DNM1: variants seen among roughly 807,000 people sequenced by gnomAD.
The protein encoded by DNM1 is dynamin 1.
Under a neutral mutation model 104.6 loss-of-function variants are expected in DNM1, and 29 were observed. The ratio of observed to expected loss-of-function variants is 0.28; its 90% CI spans 0.21 to 0.38. The LOEUF is 0.38. DNM1 is among the 10% of genes least tolerant of loss of function. The pLI, the probability that DNM1 is intolerant of heterozygous loss-of-function variation, is 1.00. For synonymous variants in DNM1, 445 were observed against 475.8 expected, an observed-to-expected ratio of 0.94 and a Z score of 0.84; for missense variants, 640 against 1,189.4, an observed-to-expected ratio of 0.54 and a Z score of 6.79.
Position 128,254,243 on chromosome 9 carries a change from C to G in DNM1, c.2535-411C>G. On this transcript the variant is annotated intron_variant, in intron 21 of 21. Transcript: ENST00000372923. This position sits in a 1 kb window ranked among gnomAD's most constrained non-coding sequence, Gnocchi z 6.1. ...CAAGCAGTGTTCTTTCTCTATCAGG[C>G]CTGGTGGCTGTTGCATGGGGCTCCC... The G allele has an allele frequency of 7.3e-7, 1 of 1,376,372 alleles. No homozygotes were observed. Among genetic ancestry groups the G allele is most frequent in the Non-Finnish European group, 9.3e-7 (1 of 1,074,980 alleles). 85.3% of individuals were successfully genotyped at this position (1,376,372 alleles called of 1,614,324 possible). A position where few individuals can be genotyped will look rare whatever the true frequency, so the allele number is the denominator to read the frequency against.
At chr9:128,217,141 G>T (rs997162736) in intron 1 of DNM1, among the ~76,000 whole-genome samples, 1 of 152,216 alleles carries the variant, frequency 6.6e-6, no homozygotes, top group Non-Finnish European at 1.5e-5. Flanking sequence ...GTCTGGGGAC[G>T]GGGGATGACT....
rs1338128188 is a variant in DNM1 at position 128,220,458 on chromosome 9, T to C, written c.849+117T>C. The C allele has an allele frequency of 9.7e-6, 13 of 1,343,928 alleles. No homozygotes were observed. The highest frequency in any genetic ancestry group is 1.3e-5 in the Non-Finnish European group (13 of 990,576). 83.3% of individuals were successfully genotyped at this position (1,343,928 alleles called of 1,614,324 possible). ...CTCTCCGTAGTGCAGATAGACAAAC[T>C]GAGCCTCAGAAAAGCAAAGCAACTT... On this transcript the variant is annotated intron_variant, in intron 6 of 21. Coordinates refer to ENST00000372923, the MANE Select transcript of DNM1 (RefSeq NM_004408.4). The surrounding 1 kb of genome is among the most constrained non-coding windows in gnomAD (Gnocchi z 5.2).
At chr9:128,208,380 A>G (rs1035820672) in intron 1 of DNM1, among the ~76,000 whole-genome samples, 1 of 152,108 alleles carries the variant, frequency 6.6e-6, no homozygotes, top group East Asian at 1.9e-4. Flanking sequence ...ATTCTATCCC[A>G]GCATGGACGT....
At chr9:128,239,575 T>TAC in intron 12 of DNM1, 60 bp downstream of exon 12, 26 of 782,970 alleles carry the variant, frequency 3.3e-5, no homozygotes, top group Admixed American at 1.1e-4. Flanking sequence ...AACGTGTGTG[T>TAC]GTGTGTGTGT....
Position 128,227,862 on chromosome 9 carries a change from C to A in DNM1, c.1335+3473C>A, listed in dbSNP as rs577096420. On this transcript the variant is annotated intron_variant, in intron 10 of 21. Coordinates refer to ENST00000372923, the MANE Select transcript of DNM1 (RefSeq NM_004408.4). ...GTATTTATCCCATTGTTTTTTCTTT[C>A]TTTTTTAGAGACGGGGTTTTGCTGT... Among the ~76,000 whole-genome samples, 3 of 150,636 alleles carry A rather than the reference C, an allele frequency of 2.0e-5. No homozygotes were observed. In the South Asian group the frequency reaches 6.3e-4, roughly 32 times the overall value.
intron 14 of DNM1, 60 bp from the exon 15 acceptor site, chr9:128,242,172 C>G: frequency 1.0e-6 from 1 of 965,994 alleles, no homozygotes; most frequent in South Asian, 1.3e-5. Flanking sequence ...TTTGCCTACC[C>G]CATCCCCCAT....
chr9:128,209,017 A>C (rs1315460567), intron 1 of DNM1, among the ~76,000 whole-genome samples: 2 of 152,080 alleles, frequency 1.3e-5, no homozygotes, highest in Non-Finnish European at 2.9e-5. Flanking sequence ...CAGAGGCCAG[A>C]GGTGAGACTA....
rs1198177450 is a variant in DNM1, at chr9:128,222,215, C to T, written c.868C>T (p.Arg290Trp). 7 of 1,613,718 alleles carry T rather than the reference C, an allele frequency of 4.3e-6. No homozygotes were observed. The highest frequency in any genetic ancestry group is 5.9e-6 in the Non-Finnish European group (7 of 1,179,726). ...CCCCCAGCAACTGACGAACCACATC[C>T]GGGACACACTGCCGGGGCTGCGGAA... ...VLNQQLTNHI[R>W]DTLPGLRNKL... Residue 290 changes from arginine to tryptophan, a missense_variant, in exon 7 of 22, where the codon CGG becomes TGG. By Grantham distance (101) the Arg-to-Trp change is moderately radical. Coordinates refer to ENST00000372923, the MANE Select transcript of DNM1 (RefSeq NM_004408.4). The surrounding 1 kb of genome is among the most constrained non-coding windows in gnomAD (Gnocchi z 7.8).
chr9:128,213,598 C>G (rs763623283), intron 1 of DNM1, among the ~76,000 whole-genome samples: 1 of 152,114 alleles, frequency 6.6e-6, no homozygotes, highest in Non-Finnish European at 1.5e-5. Flanking sequence ...GGAGAGAGCA[C>G]CTACCCGGAC....
intron 11 of DNM1, among the ~76,000 whole-genome samples, chr9:128,235,558 C>T (rs958933580): frequency 6.6e-6 from 1 of 152,090 alleles, no homozygotes. Flanking sequence ...GGATGGACCA[C>T]ACTTTGTTTA....
intron 21 of DNM1, chr9:128,252,197 G>T (rs150054644): frequency 1.2e-5 from 3 of 243,492 alleles, no homozygotes; most frequent in Admixed American, 5.1e-5. Flanking sequence ...TGTGTTAACT[G>T]CAGATGCAGC....
chr9:128,208,743 C>T (rs969818981), intron 1 of DNM1, among the ~76,000 whole-genome samples: 4 of 152,158 alleles, frequency 2.6e-5, no homozygotes, highest in African/African-American at 4.8e-5. Flanking sequence ...ACAAAGAGCA[C>T]GTTTGTCGTG....
At position 128,243,055 on chromosome 9, in the gene DNM1, T is replaced by A. The variant is rs1192158605; in HGVS notation, c.1671+710T>A. Among the ~76,000 whole-genome samples, 2 of 152,122 alleles carry A rather than the reference T, an allele frequency of 1.3e-5. No homozygotes were observed. Among genetic ancestry groups the A allele is most frequent in the African/African-American group, 4.8e-5 (2 of 41,428 alleles). On this transcript the variant is annotated intron_variant, in intron 15 of 21. Coordinates refer to ENST00000372923, the MANE Select transcript of DNM1 (RefSeq NM_004408.4). The surrounding 1 kb of genome is among the most constrained non-coding windows in gnomAD (Gnocchi z 4.0). ...AGCTGCCAGACACCCGGTTAACCCC[T>A]GCACCCCAGTCCCCTAGACCCCTGC...
intron 21 of DNM1, chr9:128,251,520 G>A (rs971741424): frequency 3.4e-5 from 6 of 176,692 alleles, no homozygotes; most frequent in Admixed American, 1.3e-4. Context: ...GTGTGTGGGC[G>A]TGCACACGAG....
Position 128,224,291 on chromosome 9 carries a change from G to A in DNM1, c.1237G>A (p.Val413Met), listed in dbSNP as rs1835206072. The change falls in exon 10 of 22, where the codon GTG (valine) becomes ATG (methionine). Residue 413 changes from valine (V) to methionine (M), a missense_variant. Val to Met is a conservative substitution (Grantham distance 21, BLOSUM62 1). Around this residue, in one of 7 missense-constraint regions of DNM1, gnomAD observed 92 missense variants for 124.4 expected, o/e 0.74. Transcript: ENST00000372923. This position sits in a 1 kb window ranked among gnomAD's most constrained non-coding sequence, Gnocchi z 4.3. ...CCCAGACATGGCCTTTGAGACCATT[G>A]TGAAAAAGCAGGTGAAGAAGATCCG... ...FTPDMAFETIVKKQVKKIREP... is the reference protein window; with the variant it reads ...FTPDMAFETIMKKQVKKIREP... The A allele has an allele frequency of 6.2e-7, 1 of 1,613,966 alleles. No homozygotes were observed. The highest frequency in any genetic ancestry group is 8.5e-7 in the Non-Finnish European group (1 of 1,180,008).
At position 128,220,560 on chromosome 9, in the gene DNM1, G is replaced by T. The variant is rs1351873893; in HGVS notation, c.849+219G>T. Among the ~76,000 whole-genome samples the T allele has an allele frequency of 1.3e-5, 2 of 152,160 alleles. No individual in the cohort carries two copies. Among genetic ancestry groups the T allele is most frequent in the African/African-American group, 2.4e-5 (1 of 41,448 alleles). On this transcript the variant is annotated intron_variant, in intron 6 of 21. Transcript: ENST00000372923. The surrounding 1 kb of genome is among the most constrained non-coding windows in gnomAD (Gnocchi z 5.2). Reference sequence around the variant, plus strand: ...TCTGGGACCTGCCAGGGAAGCCCTGGAAGTCCCCAACACAGAGAAGGCCAA... The same window carrying T: ...TCTGGGACCTGCCAGGGAAGCCCTGTAAGTCCCCAACACAGAGAAGGCCAA...
rs1191558918 is a variant in DNM1 at position 128,254,633 on chromosome 9, T to C, written c.2535-21T>C. Reference sequence around the variant, plus strand: ...TCGCTTTTCTCTCCCGTTTTCTCTCTGCTTTCTCTCCAACTGCCAGCCGAT... The same window carrying C: ...TCGCTTTTCTCTCCCGTTTTCTCTCCGCTTTCTCTCCAACTGCCAGCCGAT... On this transcript the variant is annotated intron_variant, in intron 21 of 21. Coordinates refer to ENST00000372923, the MANE Select transcript of DNM1 (RefSeq NM_004408.4). The surrounding 1 kb of genome is among the most constrained non-coding windows in gnomAD (Gnocchi z 6.1). 6.3e-7 allele frequency: 1 copy of C among 1,594,770 alleles called. No homozygotes were observed. The highest frequency in any genetic ancestry group is 8.5e-7 in the Non-Finnish European group (1 of 1,178,716).
chr9:128,255,057 A>C lies in DNM1; in HGVS notation c.*343A>C. 1 of 194,888 alleles carries C rather than the reference A, an allele frequency of 5.1e-6. No homozygotes were observed. Among genetic ancestry groups the C allele is most frequent in the Non-Finnish European group, 1.0e-5 (1 of 96,342 alleles). The allele number at this position is 194,888 out of a possible 1,614,324, so 12.1% of individuals were successfully genotyped here. ...AGAGAACGCTGTCCCCCGACATCCCACTCCAAAGTGTGCCACCTCCAGTGA... is the reference window on the plus strand; with the variant it reads ...AGAGAACGCTGTCCCCCGACATCCCCCTCCAAAGTGTGCCACCTCCAGTGA... On this transcript the variant is annotated 3_prime_UTR_variant, in exon 22 of 22. Transcript: ENST00000372923.
At chr9:128,226,211 C>G in intron 10 of DNM1, 2 of 1,609,342 alleles carry the variant, frequency 1.2e-6, no homozygotes, top group Non-Finnish European at 1.7e-6. Flanking sequence ...GCCTGGCCGT[C>G]CATTCCTTGT....
Sources: gnomAD v4.1 joint callset for allele counts (sites outside exome capture counted in the v4.1 genomes callset) on GRCh38, gnomAD v4.1.1 for gene constraint, gnomAD v4.1.1 regional missense constraint, Gnocchi (gnomAD v3.1) non-coding constraint, MANE v1.5 for transcripts, NCBI Gene and HGNC (gene_info 2026-07-23, HGNC 2026-07-21) for gene names.